PALS2: variants seen among roughly 807,000 people sequenced by gnomAD.
PALS2 encodes the protein protein PALS2.
Under a neutral mutation model 61.6 loss-of-function variants are expected in PALS2, and 27 were observed. The observed-to-expected ratio is 0.44, with a 90% CI of 0.32 to 0.60. The LOEUF is 0.60. Among genes scored for constraint, PALS2 ranks in the 20% least tolerant of loss-of-function variants. The pLI, the probability that PALS2 is intolerant of heterozygous loss-of-function variation, is 0.05. For missense variants in PALS2, 554 were observed against 639.4 expected, an observed-to-expected ratio of 0.87 and a Z score of 1.44; for synonymous variants, 236 against 218.6, an observed-to-expected ratio of 1.08 and a Z score of -0.70.
At chr7:24,672,284 A>G (rs1000498425) in intron 9 of PALS2, among the ~76,000 whole-genome samples, 3 of 151,340 alleles carry the variant, frequency 2.0e-5, no homozygotes, top group South Asian at 2.1e-4. Context: ...CTGGAGTGCA[A>G]TGGCATGATC....
chr7:24,681,060 G>A (rs1275664386), intron 11 of PALS2, among the ~76,000 whole-genome samples: 1 of 151,942 alleles, frequency 6.6e-6, no homozygotes, highest in Non-Finnish European at 1.5e-5. Flanking sequence ...AAAATGAAAT[G>A]GACCAATATT....
intron 1 of PALS2, among the ~76,000 whole-genome samples, chr7:24,599,159 G>A (rs978003930): frequency 6.6e-6 from 1 of 152,052 alleles, no homozygotes; most frequent in Non-Finnish European, 1.5e-5. Context: ...CACATAGATG[G>A]TATAGTCTGT....
intron 2 of PALS2, among the ~76,000 whole-genome samples, chr7:24,641,197 C>CT (rs927873427): frequency 6.6e-5 from 10 of 151,596 alleles, no homozygotes. Flanking sequence ...TCTAAATTGA[C>CT]TTTTTTTTCC....
At chr7:24,632,553 C>T (rs1785045722) in intron 2 of PALS2, among the ~76,000 whole-genome samples, 1 of 152,034 alleles carries the variant, frequency 6.6e-6, no homozygotes, top group African/African-American at 2.4e-5. Context: ...GCACGCCCAG[C>T]TTATTTTTGT....
intron 5 of PALS2, 129 bp from the exon 6 acceptor site, chr7:24,663,461 C>G: frequency 3.5e-6 from 3 of 847,562 alleles, no homozygotes; most frequent in Non-Finnish European, 5.0e-6. Flanking sequence ...TTATGAGAGA[C>G]AAGTTCATTA....
Position 24,679,351 on chromosome 7 carries a change from C to T in PALS2, c.1317+18C>T. ...ACCCACAAGTAAGCTGCTTGGATTC[C>T]AAAGCTGTTTTATATTTTATTTTCT... On this transcript the variant is annotated intron_variant, in intron 10 of 11. Coordinates refer to ENST00000222644, the MANE Select transcript of PALS2 (RefSeq NM_001303037.2). 1.9e-6 allele frequency: 3 copies of T among 1,610,558 alleles called. No homozygotes were observed. The South Asian group carries it at 3.3e-5, about 18-fold the overall frequency.
intron 9 of PALS2, among the ~76,000 whole-genome samples, chr7:24,673,841 T>A (rs944552804): frequency 2.0e-5 from 3 of 152,150 alleles, no homozygotes; most frequent in African/African-American, 4.8e-5. Flanking sequence ...TTTTACTCTC[T>A]GTTTTTTTAG....
Position 24,674,211 on chromosome 7 carries a change from C to T in PALS2, c.1115-4920C>T, listed in dbSNP as rs543688515. ...CCTTACATGAGTACAGTTAATATGG[C>T]AGAACGGGAACCCATCTTTGTGACC... On this transcript the variant is annotated intron_variant, in intron 9 of 11. Transcript: ENST00000222644. 4 of 152,806 alleles carry T rather than the reference C, an allele frequency of 2.6e-5. No individual in the cohort carries two copies. The South Asian group carries it at 8.3e-4, about 32-fold the overall frequency. The allele number at this position is 152,806 out of a possible 1,614,324, so 9.5% of individuals were successfully genotyped here.
intron 9 of PALS2, among the ~76,000 whole-genome samples, chr7:24,678,342 C>T (rs1180163809): frequency 6.6e-6 from 1 of 152,070 alleles, no homozygotes; most frequent in Non-Finnish European, 1.5e-5. Flanking sequence ...ATCTCATTTT[C>T]CCAGAAATAA....
chr7:24,675,889 T>G (rs1379740003), intron 9 of PALS2, among the ~76,000 whole-genome samples: 1 of 141,458 alleles, frequency 7.1e-6, no homozygotes, highest in Non-Finnish European at 1.5e-5. Context: ...TGATTTATAG[T>G]CCTTTGGGTA....
intron 1 of PALS2, among the ~76,000 whole-genome samples, chr7:24,594,954 A>G (rs1434904134): frequency 1.3e-5 from 2 of 152,164 alleles, no homozygotes; most frequent in African/African-American, 2.4e-5. Flanking sequence ...AATGGCTTCA[A>G]TAGACTTGAT....
chr7:24,595,030 A>T (rs944195536), intron 1 of PALS2, among the ~76,000 whole-genome samples: 2 of 152,114 alleles, frequency 1.3e-5, no homozygotes, highest in African/African-American at 4.8e-5. Flanking sequence ...CAATAAAATG[A>T]AGTGCAGTAA....
intron 3 of PALS2, among the ~76,000 whole-genome samples, chr7:24,644,967 G>T (rs918730754): frequency 1.4e-5 from 2 of 148,038 alleles, no homozygotes; most frequent in South Asian, 2.2e-4. Context: ...GTCTGTTCAT[G>T]TTCTTTGCCC....
intron 3 of PALS2, among the ~76,000 whole-genome samples, chr7:24,645,908 G>T (rs1034364374): frequency 6.6e-6 from 1 of 151,932 alleles, no homozygotes; most frequent in African/African-American, 2.4e-5. Flanking sequence ...TTCTGATTTG[G>T]CTCTTCCTTT....
intron 9 of PALS2, among the ~76,000 whole-genome samples, chr7:24,678,800 G>A (rs972455675): frequency 4.6e-5 from 7 of 152,100 alleles, no homozygotes; most frequent in Non-Finnish European, 8.8e-5. Flanking sequence ...TTATTTGGGG[G>A]ACTACCTCTT....
chr7:24,586,807 G>A (rs1285500360), intron 1 of PALS2, among the ~76,000 whole-genome samples: 1 of 152,144 alleles, frequency 6.6e-6, no homozygotes, highest in East Asian at 1.9e-4. Context: ...ATTAAGGAGA[G>A]CCTGAAAGAC....
intron 3 of PALS2, among the ~76,000 whole-genome samples, chr7:24,645,609 TG>T (rs1206510469): frequency 3.3e-5 from 5 of 152,274 alleles, no homozygotes; most frequent in African/African-American, 1.2e-4. Flanking sequence ...GGCCCTTTTT[TG>T]GTTCCATATG....
rs973437615 is a variant in PALS2, at chr7:24,690,022, A to T, written c.*2408A>T. Reference sequence around the variant, plus strand: ...TTATGTGATATAAAATGTATTACTTAGAAAATATACTTAAAGGAATTATTT... The same window carrying T: ...TTATGTGATATAAAATGTATTACTTTGAAAATATACTTAAAGGAATTATTT... On this transcript the variant is annotated 3_prime_UTR_variant, in exon 12 of 12. Transcript: ENST00000222644. The T allele has an allele frequency of 6.6e-6, 1 of 152,258 alleles. No individual in the cohort carries two copies. The highest frequency in any genetic ancestry group is 1.5e-5 in the Non-Finnish European group (1 of 68,048). The allele number at this position is 152,258 out of a possible 1,614,324, so 9.4% of individuals were successfully genotyped here. A position where few individuals can be genotyped will look rare whatever the true frequency, so the allele number is the denominator to read the frequency against.
chr7:24,666,856 T>G (rs1422184482), intron 8 of PALS2: 1 of 152,176 alleles, frequency 6.6e-6, no homozygotes, highest in Non-Finnish European at 1.5e-5. Flanking sequence ...CTATATTTAT[T>G]CTTCCCAGTT....
Sources: gnomAD v4.1 joint callset for allele counts (sites outside exome capture counted in the v4.1 genomes callset) on GRCh38, gnomAD v4.1.1 for gene constraint, MANE v1.5 for transcripts, NCBI Gene and HGNC (gene_info 2026-07-23, HGNC 2026-07-21) for gene names.